VPS8: variants seen among roughly 807,000 people sequenced by gnomAD.
The protein encoded by VPS8 is vacuolar protein sorting-associated protein 8 homolog.
Under a neutral mutation model 216.4 loss-of-function variants are expected in VPS8, and 129 were observed. That is an observed-to-expected ratio of 0.60 (90% CI 0.52 to 0.69). VPS8 has a LOEUF of 0.69. Ranked by LOEUF, VPS8 falls within the 30% of genes least tolerant of loss-of-function variation. The probability of loss-of-function intolerance (pLI) is 0.00; values close to 1 mark genes in which losing one functional copy is unlikely to be tolerated. For synonymous variants in VPS8, 571 were observed against 565.4 expected (o/e 1.01, Z -0.14); for missense variants, 1,531 against 1,683.5 (o/e 0.91, Z 1.59).
chr3:184,995,413 AGCAGAGGTATAGTTGTGTGCAAG>A (rs1411282633), intron 43 of VPS8, among the ~76,000 whole-genome samples: 4 of 152,238 alleles, frequency 2.6e-5, no homozygotes, highest in African/African-American at 4.8e-5. Flanking sequence ...ATTCCAGGTT[AGCAGAGGTATAGTTGTGTGCAAG>A]GCAGAAAATG....
At chr3:184,959,295 A>G (rs1354559628) in intron 37 of VPS8, among the ~76,000 whole-genome samples, 1 of 152,164 alleles carries the variant, frequency 6.6e-6, no homozygotes, top group Non-Finnish European at 1.5e-5. Flanking sequence ...GGTTATATCT[A>G]AAAATAATGA....
Position 184,936,344 on chromosome 3 carries a change from T to G in VPS8, c.2988+9T>G, listed in dbSNP as rs1741611876. The G allele has an allele frequency of 1.9e-6, 3 of 1,597,920 alleles. No homozygotes were observed. The highest frequency in any genetic ancestry group is 2.6e-6 in the Non-Finnish European group (3 of 1,170,652). On this transcript the variant is annotated intron_variant, in intron 35 of 47. Transcript: ENST00000625842. ...TCATTAAAAAACTTCAGGTACATAT[T>G]GCAAATATATATTGGGGAAAAATAT...
At chr3:184,959,384 C>T (rs1746120853) in intron 37 of VPS8, among the ~76,000 whole-genome samples, 1 of 152,052 alleles carries the variant, frequency 6.6e-6, no homozygotes, top group Non-Finnish European at 1.5e-5. Context: ...TTACTGAACT[C>T]ATGAAAATAA....
rs575246418 is a variant in VPS8 at position 184,932,639 on chromosome 3, C to A, written c.2898+2071C>A. Among the ~76,000 whole-genome samples the A allele has an allele frequency of 2.0e-4, 31 of 152,072 alleles. 1 individual carries two copies. In the South Asian group the frequency reaches 6.4e-3, roughly 31 times the overall value. ...TCCTGGTTTTTGTGACAGTTTCTTA[C>A]CTTTTTGTATACTGTTACTGCATGT... On this transcript the variant is annotated intron_variant, in intron 34 of 47. Transcript: ENST00000625842.
At chr3:184,952,261 T>C (rs1349952431) in intron 36 of VPS8, among the ~76,000 whole-genome samples, 1 of 151,980 alleles carries the variant, frequency 6.6e-6, no homozygotes, top group African/African-American at 2.4e-5. Flanking sequence ...CCTCTGATAA[T>C]AAGATAAACC....
chr3:184,826,504 CAG>C (rs994318025), intron 3 of VPS8, among the ~76,000 whole-genome samples: 1 of 152,236 alleles, frequency 6.6e-6, no homozygotes, highest in African/African-American at 2.4e-5. Flanking sequence ...TCCGTCATCA[CAG>C]AAAGTTCTCT....
At chr3:185,014,553 A>C (rs985115068) in intron 45 of VPS8, among the ~76,000 whole-genome samples, 1 of 152,176 alleles carries the variant, frequency 6.6e-6, no homozygotes, top group Non-Finnish European at 1.5e-5. Context: ...CAAACCAGTT[A>C]TTCTGCTTCT....
At chr3:184,872,144 T>C (rs889111062) in intron 21 of VPS8, among the ~76,000 whole-genome samples, 5 of 152,106 alleles carry the variant, frequency 3.3e-5, no homozygotes, top group African/African-American at 1.2e-4. Flanking sequence ...CAATGCAGTA[T>C]AGATAGAAAA....
intron 45 of VPS8, among the ~76,000 whole-genome samples, chr3:185,017,882 C>T (rs897245746): frequency 6.6e-6 from 1 of 152,112 alleles, no homozygotes; most frequent in Admixed American, 6.5e-5. Context: ...CTTTATCAAA[C>T]TTAGAGTGAC....
At chr3:184,870,387 C>T (rs1040495983) in intron 20 of VPS8, among the ~76,000 whole-genome samples, 28 of 152,170 alleles carry the variant, frequency 1.8e-4, no homozygotes, top group Non-Finnish European at 2.1e-4. Context: ...CCTTAGACTC[C>T]GAATGATTTG....
intron 37 of VPS8, among the ~76,000 whole-genome samples, chr3:184,958,484 T>C (rs1194248186): frequency 6.6e-6 from 1 of 152,200 alleles, no homozygotes; most frequent in Non-Finnish European, 1.5e-5. Flanking sequence ...GTGTTTAAAG[T>C]ATCTATAGTT....
At chr3:184,976,225 T>TA (rs1036742706) in intron 40 of VPS8, among the ~76,000 whole-genome samples, 1 of 152,188 alleles carries the variant, frequency 6.6e-6, no homozygotes, top group African/African-American at 2.4e-5. Context: ...CACAGTGTTT[T>TA]ACCTAATGAA....
chr3:185,027,403 C>T (rs1408023502), intron 46 of VPS8, among the ~76,000 whole-genome samples: 3 of 151,820 alleles, frequency 2.0e-5, no homozygotes, highest in Admixed American at 6.6e-5. Context: ...CCACCACGCC[C>T]GGCTAATTTT....
chr3:184,971,877 C>A, intron 40 of VPS8, 125 bp downstream of exon 40: 1 of 666,512 alleles, frequency 1.5e-6, no homozygotes, highest in Non-Finnish European at 2.6e-6. Flanking sequence ...GAGTTTGAGA[C>A]CAGCCTGACC....
At chr3:184,848,859 G>A (rs543762962) in intron 8 of VPS8, among the ~76,000 whole-genome samples, 3 of 151,956 alleles carry the variant, frequency 2.0e-5, no homozygotes, top group Non-Finnish European at 2.9e-5. Flanking sequence ...ATGAGCCACC[G>A]CACCCGGCCT....
chr3:185,024,437 T>A (rs745575411), intron 46 of VPS8, 48 bp downstream of exon 46: 1 of 1,516,172 alleles, frequency 6.6e-7, no homozygotes, highest in African/African-American at 1.4e-5. Context: ...TCTGTATGTT[T>A]ATTCTCCTAT....
rs1740325555 is a variant in VPS8, at chr3:184,929,599, A to ATATTGG, written c.2735_2736insATTGGT (p.Met912delinsIleLeuVal). On this transcript the variant is annotated protein_altering_variant, in exon 33 of 48. Coordinates refer to ENST00000625842, the MANE Select transcript of VPS8 (RefSeq NM_001009921.3). The stretch of plus-strand genomic sequence containing the variant: ...TTCTAGCTATCAAATTTGTGAATTT[A>ATATTGG]TGTATGAAAGAGAACACCAATATGA... 2 of 1,529,950 alleles carry ATATTGG rather than the reference A, an allele frequency of 1.3e-6. No individual in the cohort carries two copies. The highest frequency in any genetic ancestry group is 2.5e-5 in the South Asian group (2 of 81,434). The allele number at this position is 1,529,950 out of a possible 1,614,324, so 94.8% of individuals were successfully genotyped here.
chr3:184,867,836 A>T (rs1354999422), intron 17 of VPS8, among the ~76,000 whole-genome samples, 188 bp from the exon 18 acceptor site: 1 of 152,078 alleles, frequency 6.6e-6, no homozygotes, highest in South Asian at 2.1e-4. Flanking sequence ...ACAGAGCGAG[A>T]CTCTGTCTCA....
chr3:184,876,385 A>AG (rs993384510), intron 21 of VPS8, among the ~76,000 whole-genome samples: 22 of 152,056 alleles, frequency 1.4e-4, no homozygotes, highest in Admixed American at 6.5e-4. Context: ...GGCCTACTGA[A>AG]TCAGACTCTC....
Sources: allele counts gnomAD v4.1 joint callset (sites outside exome capture counted in the v4.1 genomes callset), GRCh38; gene constraint gnomAD v4.1.1; transcripts MANE v1.5; gene names NCBI Gene and HGNC (gene_info 2026-07-23, HGNC 2026-07-21).